GRID2IP: variants seen among roughly 807,000 people sequenced by gnomAD.
GRID2IP encodes the protein Grid2 interacting protein.
A neutral mutation model predicts 114.3 loss-of-function variants in GRID2IP; 78 were observed. The ratio of observed to expected loss-of-function variants is 0.68; its 90% CI spans 0.57 to 0.82. The LOEUF (loss-of-function observed/expected upper bound fraction) is 0.82, where lower values mean the gene tolerates loss of function less well. GRID2IP is among the 40% of genes least tolerant of loss of function. The pLI is 0.00. For synonymous variants in GRID2IP, 809 were observed against 724.0 expected (o/e 1.12, Z -1.89); for missense variants, 1,727 against 1,678.5 (o/e 1.03, Z -0.51).
At chr7:6,527,977 T>C (rs1038182031) in intron 2 of GRID2IP, among the ~76,000 whole-genome samples, 1 of 152,018 alleles carries the variant, frequency 6.6e-6, no homozygotes, top group African/African-American at 2.4e-5. Flanking sequence ...AGGCTGGTCT[T>C]GAACTCCTGA....
In GRID2IP at chr7:6,511,817, G is replaced by A. The variant is rs142951330; in HGVS notation, c.1424-778C>T. On this transcript the variant is annotated intron_variant, in intron 8 of 21. Transcript: ENST00000457091. ...ACACAAGGACCAGCAACTCTGCAGC[G>A]GCCCCTTCCCTTTCCTTCCTTTCCT... is the stretch of plus-strand genomic sequence containing the variant. Among the ~76,000 whole-genome samples the A allele has an allele frequency of 1.5e-3, 222 of 152,178 alleles. 1 individual carries two copies. The highest frequency in any genetic ancestry group is 6.8e-3 in the Middle Eastern group (2 of 294).
rs1786309827 is a variant in GRID2IP at position 6,498,125 on chromosome 7, G to A, written c.3503C>T (p.Ser1168Phe). 1.9e-6 allele frequency: 3 copies of A among 1,551,680 alleles called. No homozygotes were observed. Among genetic ancestry groups the A allele is most frequent in the Non-Finnish European group, 1.7e-6 (2 of 1,146,950 alleles). ...GAAAGCCTCAGAGGTGGTGGCCTTG[G>A]AATCCTCCCCAAAGAAGGCCAGCGC... ...GKALAFFGED[S>F]KATTSEAFFG... The change falls in exon 21 of 22, where the codon TCC becomes TTC. Residue 1168 changes from serine to phenylalanine, a missense_variant. Coordinates refer to ENST00000457091, the MANE Select transcript of GRID2IP (RefSeq NM_001145118.2).
At chr7:6,513,562 G>A (rs73344939) in intron 8 of GRID2IP, among the ~76,000 whole-genome samples, 1,913 of 152,214 alleles carry the variant, frequency 0.013, 44 homozygotes, top group African/African-American at 0.043. Context: ...TCAGAGTACA[G>A]AGCGCAGCCA....
At position 6,507,952 on chromosome 7, in the gene GRID2IP, G is replaced by A. The variant is rs149987777; in HGVS notation, c.2544+33C>T. On this transcript the variant is annotated intron_variant, in intron 13 of 21. Coordinates refer to ENST00000457091, the MANE Select transcript of GRID2IP (RefSeq NM_001145118.2). The surrounding 1 kb of genome is among the most constrained non-coding windows in gnomAD (Gnocchi z 5.3). ...CTGCTGCCCAAGCCATCCTCCCCCA[G>A]TACAGAGCGCTGCTGGGTCCCAGGT... 5.9e-4 allele frequency: 921 copies of A among 1,548,310 alleles called. 8 individuals are homozygous for A. In the African/African-American group the frequency reaches 0.01, roughly 17 times the overall value.
At chr7:6,502,165 T>C (rs1160419178) in intron 18 of GRID2IP, 47 bp from the exon 19 acceptor site, 5 of 1,517,726 alleles carry the variant, frequency 3.3e-6, no homozygotes, top group Middle Eastern at 1.7e-4. Flanking sequence ...CCCCATCAGA[T>C]GGGGTCACAT....
chr7:6,532,019 C>A lies in GRID2IP; in HGVS notation c.585-5250G>T, dbSNP rs982808298. The stretch of plus-strand genomic sequence containing the variant: ...TCCCAGAGCTGCGCCTCTTGCTCTG[C>A]CAGGAGAGAAGAGGGGAGGAACATT... On this transcript the variant is annotated intron_variant, in intron 2 of 21. Transcript: ENST00000457091. The surrounding 1 kb of genome is among the most constrained non-coding windows in gnomAD (Gnocchi z 4.4). 2.0e-5 allele frequency among the ~76,000 whole-genome samples: 3 copies of A among 152,020 alleles called. No individual in the cohort carries two copies. Among genetic ancestry groups the A allele is most frequent in the Non-Finnish European group, 4.4e-5 (3 of 67,988 alleles).
chr7:6,515,324 T>C (rs1779273282), intron 7 of GRID2IP, among the ~76,000 whole-genome samples: 1 of 151,874 alleles, frequency 6.6e-6, no homozygotes, highest in Admixed American at 6.6e-5. Flanking sequence ...TAGCTGGGCG[T>C]GGTGGCATGT....
Position 6,532,165 on chromosome 7 carries a change from T to A in GRID2IP, c.585-5396A>T, listed in dbSNP as rs1779640112. Reference sequence around the variant, plus strand: ...CCAGCGTGCCTGCTTGCGTGTCATGTCTCAAGGAGTCCCGACTGCCTCTGG... The same window carrying A: ...CCAGCGTGCCTGCTTGCGTGTCATGACTCAAGGAGTCCCGACTGCCTCTGG... On this transcript the variant is annotated intron_variant, in intron 2 of 21. Coordinates refer to ENST00000457091, the MANE Select transcript of GRID2IP (RefSeq NM_001145118.2). This position sits in a 1 kb window ranked among gnomAD's most constrained non-coding sequence, Gnocchi z 4.4. Among the ~76,000 whole-genome samples, 1 of 152,002 alleles carries A rather than the reference T, an allele frequency of 6.6e-6. No homozygotes were observed. The highest frequency in any genetic ancestry group is 6.6e-5 in the Admixed American group (1 of 15,250).
chr7:6,546,325 C>T (rs1779887373), intron 1 of GRID2IP, among the ~76,000 whole-genome samples: 1 of 150,962 alleles, frequency 6.6e-6, no homozygotes, highest in Admixed American at 6.6e-5. Context: ...GACCTGCCTG[C>T]CTCGGCCTCC....
intron 1 of GRID2IP, among the ~76,000 whole-genome samples, chr7:6,546,887 C>T (rs1044089613): frequency 3.3e-5 from 5 of 152,088 alleles, no homozygotes; most frequent in African/African-American, 1.2e-4. Context: ...TGGGATAGAC[C>T]TTTGGCTCCA....
Position 6,536,041 on chromosome 7 carries a change from C to A in GRID2IP, c.584+3677G>T, listed in dbSNP as rs1049330740. Among the ~76,000 whole-genome samples, 6 of 152,232 alleles carry A rather than the reference C, an allele frequency of 3.9e-5. No individual in the cohort carries two copies. Among genetic ancestry groups the A allele is most frequent in the African/African-American group, 1.4e-4 (6 of 41,468 alleles). Reference sequence around the variant, plus strand: ...TGGCACCCAACCCTGGGAATCACAGCTGCGTCTGTGGCTTCTCCATGCCCC... The same window carrying A: ...TGGCACCCAACCCTGGGAATCACAGATGCGTCTGTGGCTTCTCCATGCCCC... On this transcript the variant is annotated intron_variant, in intron 2 of 21. Coordinates refer to ENST00000457091, the MANE Select transcript of GRID2IP (RefSeq NM_001145118.2). This position sits in a 1 kb window ranked among gnomAD's most constrained non-coding sequence, Gnocchi z 5.3.
chr7:6,514,298 G>A (rs1398808928), intron 8 of GRID2IP, 77 bp downstream of exon 8: 4 of 1,255,790 alleles, frequency 3.2e-6, no homozygotes, highest in Non-Finnish European at 4.3e-6. Flanking sequence ...TGTGAGAACA[G>A]GTGTCTGTCT....
Position 6,502,064 on chromosome 7 carries a change from T to G in GRID2IP, c.3205A>C (p.Lys1069Gln). ...TCAGGGAAGTGCTGGCTCAGCGATT[T>G]GGCAAGGATGTGCAGGAAGGTGGAC... ...GKSTFLHILA[K>Q]SLSQHFPELL... Residue 1069 changes from lysine (K) to glutamine (Q), a missense_variant, in exon 19 of 22, where the codon AAA (lysine) becomes CAA (glutamine). Coordinates refer to ENST00000457091, the MANE Select transcript of GRID2IP (RefSeq NM_001145118.2). The G allele has an allele frequency of 6.4e-7, 1 of 1,551,168 alleles. No homozygotes were observed. The highest frequency in any genetic ancestry group is 1.2e-5 in the South Asian group (1 of 84,030).
chr7:6,540,576 G>A (rs1428693478), intron 1 of GRID2IP, among the ~76,000 whole-genome samples: 2 of 149,252 alleles, frequency 1.3e-5, no homozygotes, highest in South Asian at 2.1e-4. Flanking sequence ...GCTGGGGTGC[G>A]GTGGCTCAAT....
At position 6,514,400 on chromosome 7, in the gene GRID2IP, G is replaced by A. The variant is rs776306421; in HGVS notation, c.1398C>T (p.Cys466=). The change falls in exon 8 of 22, where the codon TGC becomes TGT. Residue 466 remains cysteine, a synonymous_variant. Transcript: ENST00000457091. The part of the protein sequence containing the change: ...EQELCQEKIA[C]FLGYTAMTAE... Reference sequence around the variant, plus strand: ...CTGTCATGGCCGTGTAGCCCAGGAAGCATGCGATTTTCTCCTGACAGAGCT... The same window carrying A: ...CTGTCATGGCCGTGTAGCCCAGGAAACATGCGATTTTCTCCTGACAGAGCT... 1 of 1,540,828 alleles carries A rather than the reference G, an allele frequency of 6.5e-7. No individual in the cohort carries two copies. Among genetic ancestry groups the A allele is most frequent in the Non-Finnish European group, 8.8e-7 (1 of 1,140,464 alleles).
chr7:6,505,975 A>G lies in GRID2IP; in HGVS notation c.2545-68T>C, dbSNP rs553410539. 28 of 1,128,284 alleles carry G rather than the reference A, an allele frequency of 2.5e-5. No homozygotes were observed. The African/African-American group carries it at 4.3e-4, about 17-fold the overall frequency. The allele number at this position is 1,128,284 out of a possible 1,614,324, so 69.9% of individuals were successfully genotyped here. A position where few individuals can be genotyped will look rare whatever the true frequency, so the allele number is the denominator to read the frequency against. On this transcript the variant is annotated intron_variant, in intron 13 of 21. Transcript: ENST00000457091. ...CAGCTGGACTGGCCTCCCACTTCCC[A>G]CCCTCTGAGGGCTGCCATAGGGGCT...
chr7:6,502,959 C>A, intron 17 of GRID2IP, 49 bp downstream of exon 17: 1 of 1,549,856 alleles, frequency 6.5e-7, no homozygotes, highest in Non-Finnish European at 8.7e-7. Flanking sequence ...CTGGAAGCCC[C>A]AGGAGGCAGA....
chr7:6,500,338 C>T (rs559567077), intron 20 of GRID2IP, among the ~76,000 whole-genome samples: 1 of 152,048 alleles, frequency 6.6e-6, no homozygotes, highest in South Asian at 2.1e-4. Flanking sequence ...GTGGTGGGCA[C>T]CTGTAATCCC....
rs1779562097 is a variant in GRID2IP, at chr7:6,528,735, G to T, written c.585-1966C>A. Among the ~76,000 whole-genome samples the T allele has an allele frequency of 6.6e-6, 1 of 151,950 alleles. No individual in the cohort carries two copies. Among genetic ancestry groups the T allele is most frequent in the African/African-American group, 2.4e-5 (1 of 41,366 alleles). ...AGAAATTGCCTGGTGGGAGGAAGTG[G>T]GTGTGGATTCTCAGGGAGGAGGCTC... On this transcript the variant is annotated intron_variant, in intron 2 of 21. Coordinates refer to ENST00000457091, the MANE Select transcript of GRID2IP (RefSeq NM_001145118.2). This position sits in a 1 kb window ranked among gnomAD's most constrained non-coding sequence, Gnocchi z 6.0.
Sources: gnomAD v4.1 joint callset for allele counts (sites outside exome capture counted in the v4.1 genomes callset) on GRCh38, gnomAD v4.1.1 for gene constraint, Gnocchi (gnomAD v3.1) non-coding constraint, MANE v1.5 for transcripts, NCBI Gene and HGNC (gene_info 2026-07-23, HGNC 2026-07-21) for gene names.